The following RALGPS1 variants were observed in gnomAD, a reference collection of about 807,000 sequenced individuals.
RALGPS1 encodes Ral GEF with PH domain and SH3 binding motif 1, also known as ras-specific guanine nucleotide-releasing factor RalGPS1.
RALGPS1 carries 19 observed loss-of-function variants against 78.8 expected under a neutral mutation model. The observed-to-expected ratio is 0.24, with a 90% CI of 0.17 to 0.35. The LOEUF (loss-of-function observed/expected upper bound fraction) is 0.35. Ranked by LOEUF, RALGPS1 falls within the 10% of genes least tolerant of loss-of-function variation. RALGPS1 has a pLI of 1.00. For missense variants in RALGPS1, 454 were observed against 688.3 expected, an observed-to-expected ratio of 0.66 and a Z score of 3.81; for synonymous variants, 228 against 256.3, an observed-to-expected ratio of 0.89 and a Z score of 1.06.
intron 1 of RALGPS1, among the ~76,000 whole-genome samples, chr9:126,921,745 G>C (rs1288800711): frequency 6.6e-6 from 1 of 152,214 alleles, no homozygotes; most frequent in Non-Finnish European, 1.5e-5. Context: ...GATACAAGAG[G>C]TGAGATAGTA....
At chr9:127,058,410 C>G (rs1428045296) in intron 7 of RALGPS1, among the ~76,000 whole-genome samples, 2 of 151,954 alleles carry the variant, frequency 1.3e-5, no homozygotes, top group East Asian at 1.9e-4. Flanking sequence ...GGATGGGGAC[C>G]AAGAGTGGAA....
At position 127,218,997 on chromosome 9, in the gene RALGPS1, T is replaced by C; in HGVS notation, c.*228T>C. Reference sequence around the variant, plus strand: ...GACACTCATTCTGCAGCACCGCCTCTTGGGGCAGTGGTCAGACCCCACACG... The same window carrying C: ...GACACTCATTCTGCAGCACCGCCTCCTGGGGCAGTGGTCAGACCCCACACG... On this transcript the variant is annotated 3_prime_UTR_variant, in exon 19 of 19. Coordinates refer to ENST00000259351, the MANE Select transcript of RALGPS1 (RefSeq NM_014636.3). The surrounding 1 kb of genome is among the most constrained non-coding windows in gnomAD (Gnocchi z 4.4). 1 of 584,340 alleles carries C rather than the reference T, an allele frequency of 1.7e-6. No individual in the cohort carries two copies. Among genetic ancestry groups the C allele is most frequent in the Non-Finnish European group, 3.1e-6 (1 of 326,002 alleles). The allele number at this position is 584,340 out of a possible 1,614,324, so 36.2% of individuals were successfully genotyped here.
intron 8 of RALGPS1, among the ~76,000 whole-genome samples, chr9:127,104,863 A>C (rs558988976): frequency 1.3e-5 from 2 of 152,342 alleles, no homozygotes; most frequent in South Asian, 4.1e-4. Flanking sequence ...GATGTCCCTA[A>C]GAACAAAGGA....
intron 8 of RALGPS1, among the ~76,000 whole-genome samples, chr9:127,115,065 C>T (rs978732647): frequency 1.3e-5 from 2 of 152,120 alleles, no homozygotes; most frequent in South Asian, 2.1e-4. Context: ...TAATGGCTGT[C>T]GTTTGTTGTG....
At position 127,028,147 on chromosome 9, in the gene RALGPS1, G is replaced by A. The variant is rs117968144; in HGVS notation, c.217-6284G>A. Among the ~76,000 whole-genome samples, 3 of 152,368 alleles carry A rather than the reference G, an allele frequency of 2.0e-5. No homozygotes were observed. The East Asian group carries it at 5.8e-4, about 29-fold the overall frequency. ...ACTGTGCCCCATTCTGGCTATGGCA[G>A]CCCGATTCCTGGGCTGGCCCTAACT... On this transcript the variant is annotated intron_variant, in intron 4 of 18. Coordinates refer to ENST00000259351, the MANE Select transcript of RALGPS1 (RefSeq NM_014636.3).
chr9:127,034,596 T>A, intron 5 of RALGPS1, 82 bp downstream of exon 5: 2 of 1,252,190 alleles, frequency 1.6e-6, no homozygotes, highest in Non-Finnish European at 2.3e-6. Flanking sequence ...CACCCAAAGC[T>A]GTCTCCCAGG....
At chr9:127,013,351 A>G (rs558165421) in intron 4 of RALGPS1, among the ~76,000 whole-genome samples, 1 of 152,286 alleles carries the variant, frequency 6.6e-6, no homozygotes, top group Non-Finnish European at 1.5e-5. Context: ...CCAAAGTCCT[A>G]CAGGTGCCAT....
At chr9:126,981,386 G>A (rs568029035) in intron 4 of RALGPS1, among the ~76,000 whole-genome samples, 7 of 152,338 alleles carry the variant, frequency 4.6e-5, no homozygotes, top group South Asian at 4.1e-4. Flanking sequence ...AGTTTCTGGC[G>A]CTTGTCTGGA....
intron 4 of RALGPS1, among the ~76,000 whole-genome samples, chr9:127,006,437 T>G (rs984179397): frequency 2.0e-5 from 3 of 152,202 alleles, no homozygotes; most frequent in Admixed American, 6.5e-5. Context: ...ACCACTGCCT[T>G]CCTTTGGGAG....
At chr9:127,160,434 G>T (rs1446158629) in intron 8 of RALGPS1, among the ~76,000 whole-genome samples, 1 of 152,172 alleles carries the variant, frequency 6.6e-6, no homozygotes, top group Non-Finnish European at 1.5e-5. Flanking sequence ...CTGGCCCTGG[G>T]GGTTTGCCTC....
At chr9:127,165,754 A>C (rs1297462723) in intron 8 of RALGPS1, among the ~76,000 whole-genome samples, 1 of 152,242 alleles carries the variant, frequency 6.6e-6, no homozygotes, top group Admixed American at 6.5e-5. Flanking sequence ...AAGAAACACA[A>C]GTATTCATCC....
intron 8 of RALGPS1, among the ~76,000 whole-genome samples, chr9:127,094,722 TCCTTG>T (rs1248169302): frequency 6.6e-6 from 1 of 152,200 alleles, no homozygotes; most frequent in Non-Finnish European, 1.5e-5. Context: ...TCTGAGGTCC[TCCTTG>T]CAGGCTCATA....
chr9:127,170,178 C>T (rs528564432), intron 10 of RALGPS1, among the ~76,000 whole-genome samples: 5 of 152,278 alleles, frequency 3.3e-5, no homozygotes, highest in South Asian at 2.1e-4. Context: ...ACAACCCCCA[C>T]GTTACCCACA....
At chr9:127,129,564 C>T (rs1002424909) in intron 8 of RALGPS1, among the ~76,000 whole-genome samples, 1 of 152,134 alleles carries the variant, frequency 6.6e-6, no homozygotes, top group Non-Finnish European at 1.5e-5. Context: ...ATTAGATAAA[C>T]GAGGGCTTCT....
intron 4 of RALGPS1, among the ~76,000 whole-genome samples, chr9:127,029,710 C>T (rs2046257161): frequency 6.6e-6 from 1 of 152,194 alleles, no homozygotes; most frequent in South Asian, 2.1e-4. Context: ...GGCCCGATGG[C>T]CTAGATGCCG....
chr9:127,033,265 A>G (rs2046576609), intron 4 of RALGPS1, among the ~76,000 whole-genome samples: 2 of 152,062 alleles, frequency 1.3e-5, no homozygotes, highest in Admixed American at 1.3e-4. Flanking sequence ...CAGGGCATTC[A>G]TCTTGTGACC....
At chr9:126,921,793 C>T (rs1047144433) in intron 1 of RALGPS1, among the ~76,000 whole-genome samples, 2 of 152,246 alleles carry the variant, frequency 1.3e-5, no homozygotes, top group East Asian at 1.9e-4. Flanking sequence ...TTCAGGGAGA[C>T]GCTACAAAAT....
rs928545391 is a variant in RALGPS1 at position 127,047,715 on chromosome 9, G to GA, written c.301-2321dup. On this transcript the variant is annotated intron_variant, in intron 5 of 18. Coordinates refer to ENST00000259351, the MANE Select transcript of RALGPS1 (RefSeq NM_014636.3). ...CGCCCTCTCAAAAAAAAAAAAAAAG[G>GA]AAAAAAAGACTAGAAGGATGCATAC... Among the ~76,000 whole-genome samples, 553 of 150,692 alleles carry GA rather than the reference G, an allele frequency of 3.7e-3. 1 individual carries two copies. The highest frequency in any genetic ancestry group is 5.8e-3 in the Non-Finnish European group (393 of 67,622).
chr9:127,216,677 G>A (rs1416072572), intron 18 of RALGPS1, among the ~76,000 whole-genome samples: 1 of 152,210 alleles, frequency 6.6e-6, no homozygotes, highest in African/African-American at 2.4e-5. Flanking sequence ...TTGGCCATCC[G>A]TATGACAGGA....
Sources: gnomAD v4.1 joint callset for allele counts (sites outside exome capture counted in the v4.1 genomes callset) on GRCh38, gnomAD v4.1.1 for gene constraint, Gnocchi (gnomAD v3.1) non-coding constraint, MANE v1.5 for transcripts, NCBI Gene and HGNC (gene_info 2026-07-23, HGNC 2026-07-21) for gene names.